Variants in NBEA observed in about 807,000 individuals in gnomAD.
NBEA encodes neurobeachin.
Under a neutral mutation model 343.4 loss-of-function variants are expected in NBEA, and 44 were observed. The ratio of observed to expected loss-of-function variants is 0.13; its 90% CI spans 0.10 to 0.16. The LOEUF (loss-of-function observed/expected upper bound fraction) is 0.16, where lower values mean the gene tolerates loss of function less well. Among genes scored for constraint, NBEA ranks in the 10% least tolerant of loss-of-function variants. The pLI, the probability that NBEA is intolerant of heterozygous loss-of-function variation, is 1.00. For missense variants in NBEA, 2,555 were observed against 3,631.3 expected, an observed-to-expected ratio of 0.70 and a Z score of 7.62; for synonymous variants, 1,175 against 1,238.7, an observed-to-expected ratio of 0.95 and a Z score of 1.08.
chr13:35,121,499 A>G (rs560779156), intron 16 of NBEA, among the ~76,000 whole-genome samples: 1 of 150,128 alleles, frequency 6.7e-6, no homozygotes, highest in Non-Finnish European at 1.5e-5. Context: ...TTTTTTTGAC[A>G]TGTCTGACTT....
At chr13:35,497,381 T>A (rs2152977538) in intron 41 of NBEA, among the ~76,000 whole-genome samples, 1 of 152,248 alleles carries the variant, frequency 6.6e-6, no homozygotes, top group African/African-American at 2.4e-5. Flanking sequence ...AAGATTTTAA[T>A]AAGAAAAATT....
chr13:35,228,630 G>A (rs1593840639), intron 33 of NBEA, among the ~76,000 whole-genome samples: 1 of 152,050 alleles, frequency 6.6e-6, no homozygotes, highest in African/African-American at 2.4e-5. Context: ...TTATAAGTGA[G>A]AACATGTGGT....
At chr13:35,202,752 C>T (rs2073108881) in intron 31 of NBEA, among the ~76,000 whole-genome samples, 1 of 152,096 alleles carries the variant, frequency 6.6e-6, no homozygotes. Context: ...AGAGACTTAT[C>T]TATCCAATTG....
At chr13:35,598,221 C>T (rs577609340) in intron 47 of NBEA, among the ~76,000 whole-genome samples, 1 of 152,242 alleles carries the variant, frequency 6.6e-6, no homozygotes, top group East Asian at 1.9e-4. Flanking sequence ...GTAGAAACTC[C>T]ATTCAGAAGG....
chr13:35,411,028 C>T (rs1206880752), intron 38 of NBEA, among the ~76,000 whole-genome samples: 2 of 152,306 alleles, frequency 1.3e-5, no homozygotes, highest in East Asian at 3.9e-4. Flanking sequence ...TCCCACAAAA[C>T]TGTTACCATG....
chr13:35,258,011 A>G (rs1039465217), intron 34 of NBEA, among the ~76,000 whole-genome samples: 1 of 152,042 alleles, frequency 6.6e-6, no homozygotes, highest in Non-Finnish European at 1.5e-5. Flanking sequence ...TATTATTTTT[A>G]TTTGTAATGA....
At chr13:35,099,356 G>T (rs1476352079) in intron 11 of NBEA, among the ~76,000 whole-genome samples, 1 of 151,734 alleles carries the variant, frequency 6.6e-6, no homozygotes, top group Non-Finnish European at 1.5e-5. Context: ...CCACCACCAT[G>T]CCCGGCTAAT....
intron 1 of NBEA, among the ~76,000 whole-genome samples, chr13:34,964,917 C>T (rs552666646): frequency 3.3e-5 from 5 of 152,068 alleles, no homozygotes; most frequent in South Asian, 4.1e-4. Context: ...TGCTCCATAG[C>T]GGTGCCTAGA....
At chr13:35,197,657 C>G (rs755666119) in intron 31 of NBEA, among the ~76,000 whole-genome samples, 1 of 151,986 alleles carries the variant, frequency 6.6e-6, no homozygotes, top group Non-Finnish European at 1.5e-5. Context: ...CACCTGCCAC[C>G]ACGCCTGGCT....
In NBEA at chr13:35,672,113, A is replaced by G. The variant is rs553948831; in HGVS notation, c.*1122A>G. 6.5e-4 allele frequency: 99 copies of G among 152,804 alleles called. No homozygotes were observed. Among genetic ancestry groups the G allele is most frequent in the African/African-American group, 2.1e-3 (87 of 41,592 alleles). 9.5% of individuals were successfully genotyped at this position (152,804 alleles called of 1,614,324 possible). ...CCTAAGGCATTTCATCTTTTATGAT[A>G]TAAAATGATGGCTATCAAATGATTT... On this transcript the variant is annotated 3_prime_UTR_variant, in exon 59 of 59. Transcript: ENST00000379939.
chr13:35,203,844 A>C (rs934894523), intron 31 of NBEA, among the ~76,000 whole-genome samples: 1 of 152,210 alleles, frequency 6.6e-6, no homozygotes, highest in African/African-American at 2.4e-5. Flanking sequence ...TGGAGTGTGT[A>C]TAGATTCTAT....
At chr13:35,649,131 C>A (rs2084389822) in intron 51 of NBEA, among the ~76,000 whole-genome samples, 1 of 152,186 alleles carries the variant, frequency 6.6e-6, no homozygotes, top group African/African-American at 2.4e-5. Context: ...AGAGCAGAAC[C>A]TGGGGAGAAC....
chr13:35,331,492 A>C (rs533761587), intron 36 of NBEA, among the ~76,000 whole-genome samples: 49 of 152,024 alleles, frequency 3.2e-4, no homozygotes, highest in Non-Finnish European at 1.0e-4. Context: ...TTGTTCTGTA[A>C]TCTATATATA....
At position 35,124,728 on chromosome 13, in the gene NBEA, ATATG is replaced by A. The variant is rs2067013859; in HGVS notation, c.2336+1159_2336+1162del. ...CATATATGTATGGATATATATACAC[ATATG>A]TATGGATATATACACACATATGTAT... is the stretch of plus-strand genomic sequence containing the variant. On this transcript the variant is annotated intron_variant, in intron 17 of 58. Coordinates refer to ENST00000379939, the MANE Select transcript of NBEA (RefSeq NM_001385012.1). 2.0e-5 allele frequency among the ~76,000 whole-genome samples: 3 copies of A among 151,498 alleles called. No homozygotes were observed. The South Asian group carries it at 6.2e-4, about 31-fold the overall frequency.
At chr13:35,452,621 A>G (rs1293244301) in intron 40 of NBEA, among the ~76,000 whole-genome samples, 1 of 152,116 alleles carries the variant, frequency 6.6e-6, no homozygotes, top group African/African-American at 2.4e-5. Context: ...GTGCCAATTG[A>G]ATTTGCCATT....
rs147197573 is a variant in NBEA at position 35,270,015 on chromosome 13, T to G, written c.5777-20374T>G. 9.2e-5 allele frequency among the ~76,000 whole-genome samples: 14 copies of G among 152,322 alleles called. No individual in the cohort carries two copies. In the East Asian group the frequency reaches 2.7e-3, roughly 29 times the overall value. Reference sequence around the variant, plus strand: ...AATTTACCATTCAGGATATTCTAATTCAGTTATTACTTGATTTTGTGTCCA... The same window carrying G: ...AATTTACCATTCAGGATATTCTAATGCAGTTATTACTTGATTTTGTGTCCA... On this transcript the variant is annotated intron_variant, in intron 34 of 58. Coordinates refer to ENST00000379939, the MANE Select transcript of NBEA (RefSeq NM_001385012.1).
intron 38 of NBEA, among the ~76,000 whole-genome samples, chr13:35,416,557 G>A (rs188995908): frequency 6.6e-6 from 1 of 152,248 alleles, no homozygotes; most frequent in African/African-American, 2.4e-5. Context: ...TGGGTATGTT[G>A]AACCAGCCTT....
chr13:35,400,975 AT>A (rs912725673), intron 38 of NBEA, among the ~76,000 whole-genome samples: 1 of 151,782 alleles, frequency 6.6e-6, no homozygotes, highest in Non-Finnish European at 1.5e-5. Flanking sequence ...TTAAAGGCTC[AT>A]TTCTAACATC....
intron 34 of NBEA, among the ~76,000 whole-genome samples, chr13:35,289,164 C>T (rs1396302933): frequency 1.3e-5 from 2 of 151,820 alleles, no homozygotes; most frequent in Non-Finnish European, 2.9e-5. Context: ...GAAATCACCT[C>T]AAGAAACAAA....
Sources: allele counts gnomAD v4.1 joint callset (sites outside exome capture counted in the v4.1 genomes callset), GRCh38; gene constraint gnomAD v4.1.1; transcripts MANE v1.5; gene names NCBI Gene and HGNC (gene_info 2026-07-23, HGNC 2026-07-21).